The following MSRA variants were observed in gnomAD, a reference collection of about 807,000 sequenced individuals.
The protein encoded by MSRA is mitochondrial peptide methionine sulfoxide reductase.
Under a neutral mutation model 31.3 loss-of-function variants are expected in MSRA, and 54 were observed. The observed-to-expected ratio is 1.73, with a 90% CI of 1.39 to 2.17. MSRA has a LOEUF of 2.17. MSRA is among the 30% of genes most tolerant of loss of function. The pLI is 0.00. For synonymous variants in MSRA, 169 were observed against 116.5 expected, an observed-to-expected ratio of 1.45 and a Z score of -2.90; for missense variants, 507 against 300.9, an observed-to-expected ratio of 1.69 and a Z score of -5.07.
chr8:10,292,776 G>C (rs1800314040), intron 3 of MSRA, among the ~76,000 whole-genome samples: 1 of 152,214 alleles, frequency 6.6e-6, no homozygotes, highest in South Asian at 2.1e-4. Flanking sequence ...ACTGGGGACA[G>C]CAGGACCTGG....
chr8:10,288,246 C>A (rs1468371184), intron 3 of MSRA, among the ~76,000 whole-genome samples: 1 of 152,200 alleles, frequency 6.6e-6, no homozygotes, highest in African/African-American at 2.4e-5. Flanking sequence ...CAGTCCCCTT[C>A]CATTAAATTT....
intron 5 of MSRA, among the ~76,000 whole-genome samples, chr8:10,370,936 G>A (rs943959645): frequency 6.6e-6 from 1 of 152,178 alleles, no homozygotes; most frequent in African/African-American, 2.4e-5. Context: ...TGTCACACAC[G>A]CTCGTGGGCA....
rs945082648 is a variant in MSRA at position 10,240,002 on chromosome 8, C to G, written c.212-5102C>G. ...CCTGGTGACGTGCAGTAAAATAAAA[C>G]AGGTGGAAACCAGCTGTGGGCTCAC... is the stretch of plus-strand genomic sequence containing the variant. On this transcript the variant is annotated intron_variant, in intron 2 of 5. Coordinates refer to ENST00000317173, the MANE Select transcript of MSRA (RefSeq NM_012331.5). Among the ~76,000 whole-genome samples, 5 of 152,158 alleles carry G rather than the reference C, an allele frequency of 3.3e-5. No individual in the cohort carries two copies. In the South Asian group the frequency reaches 6.2e-4, roughly 19 times the overall value.
At chr8:10,282,193 C>T (rs887901051) in intron 3 of MSRA, among the ~76,000 whole-genome samples, 1 of 152,176 alleles carries the variant, frequency 6.6e-6, no homozygotes, top group South Asian at 2.1e-4. Context: ...TATAAACATT[C>T]TCCTCTCACC....
intron 1 of MSRA, among the ~76,000 whole-genome samples, chr8:10,184,164 G>GGT (rs1438161262): frequency 4.0e-5 from 6 of 151,898 alleles, no homozygotes; most frequent in African/African-American, 1.4e-4. Context: ...ACTTGATAGT[G>GGT]GTGTTATTGT....
At chr8:10,349,411 CTT>C (rs10537153) in intron 5 of MSRA, among the ~76,000 whole-genome samples, 31,809 of 152,090 alleles carry the variant, frequency 0.21, 3,554 homozygotes, top group South Asian at 0.25. Context: ...CCTAGAATAT[CTT>C]TTCCTTTTTT....
chr8:10,227,471 G>A (rs902852496), intron 2 of MSRA, among the ~76,000 whole-genome samples: 6 of 152,178 alleles, frequency 3.9e-5, no homozygotes, highest in African/African-American at 1.4e-4. Flanking sequence ...AAGATTTCCA[G>A]GGCATTGAGG....
chr8:10,403,819 G>A (rs1182989850), intron 5 of MSRA, among the ~76,000 whole-genome samples: 3 of 152,230 alleles, frequency 2.0e-5, no homozygotes, highest in Admixed American at 6.5e-5. Flanking sequence ...TGCCCAGGCC[G>A]TGTGTCCCTG....
At chr8:10,305,640 C>A (rs1405718707) in intron 4 of MSRA, among the ~76,000 whole-genome samples, 1 of 152,188 alleles carries the variant, frequency 6.6e-6, no homozygotes, top group Non-Finnish European at 1.5e-5. Context: ...TCTCAAACTC[C>A]TGACCTCATG....
At chr8:10,089,702 C>A (rs967530797) in intron 1 of MSRA, among the ~76,000 whole-genome samples, 2 of 152,176 alleles carry the variant, frequency 1.3e-5, no homozygotes, top group African/African-American at 4.8e-5. Context: ...TGCTGGCCTC[C>A]GGTGAGGACC....
chr8:10,253,577 A>G (rs1010121361), intron 3 of MSRA, among the ~76,000 whole-genome samples: 1 of 152,222 alleles, frequency 6.6e-6, no homozygotes, highest in South Asian at 2.1e-4. Flanking sequence ...TTATTCTTTC[A>G]TTGTTTTAGG....
At chr8:10,148,217 A>G (rs1001969176) in intron 1 of MSRA, among the ~76,000 whole-genome samples, 1 of 152,206 alleles carries the variant, frequency 6.6e-6, no homozygotes, top group African/African-American at 2.4e-5. Flanking sequence ...CTTCTTAACT[A>G]ATGTGATCCA....
intron 1 of MSRA, among the ~76,000 whole-genome samples, chr8:10,072,792 C>CA (rs1311812744): frequency 6.6e-6 from 1 of 152,202 alleles, no homozygotes; most frequent in East Asian, 1.9e-4. Context: ...TTGTAATTCT[C>CA]AGTGTATAGA....
intron 5 of MSRA, among the ~76,000 whole-genome samples, chr8:10,406,081 G>T (rs570543227): frequency 5.9e-5 from 9 of 152,348 alleles, no homozygotes; most frequent in African/African-American, 1.9e-4. Context: ...GGGAACTAAA[G>T]AGTTTATTTC....
chr8:10,394,214 T>C (rs890596032), intron 5 of MSRA, among the ~76,000 whole-genome samples: 2 of 152,234 alleles, frequency 1.3e-5, no homozygotes, highest in Admixed American at 6.5e-5. Flanking sequence ...AATGTTTTTA[T>C]TGTAGCGAAA....
chr8:10,214,512 T>C (rs1161494700), intron 2 of MSRA, among the ~76,000 whole-genome samples: 1 of 152,134 alleles, frequency 6.6e-6, no homozygotes, highest in African/African-American at 2.4e-5. Flanking sequence ...TCCAGCATGA[T>C]GTTGGTAAAT....
At chr8:10,057,828 G>C (rs1197969275) in intron 1 of MSRA, among the ~76,000 whole-genome samples, 5 of 152,232 alleles carry the variant, frequency 3.3e-5, no homozygotes, top group African/African-American at 7.2e-5. Context: ...TGTACAGGCT[G>C]TGAAACTGTG....
intron 5 of MSRA, among the ~76,000 whole-genome samples, chr8:10,324,330 GTT>G (rs1183631323): frequency 6.6e-6 from 1 of 152,208 alleles, no homozygotes; most frequent in Non-Finnish European, 1.5e-5. Context: ...TTGTGCGTGT[GTT>G]TGCATGCCCA....
intron 1 of MSRA, among the ~76,000 whole-genome samples, chr8:10,159,122 G>C (rs571671507): frequency 6.6e-6 from 1 of 152,324 alleles, no homozygotes; most frequent in East Asian, 1.9e-4. Context: ...CCAAGGTAGT[G>C]GCAGTAAGAA....
Sources: gnomAD v4.1 joint callset for allele counts (sites outside exome capture counted in the v4.1 genomes callset) on GRCh38, gnomAD v4.1.1 for gene constraint, MANE v1.5 for transcripts, NCBI Gene and HGNC (gene_info 2026-07-23, HGNC 2026-07-21) for gene names.